Variants in CDH12 observed in about 807,000 individuals in gnomAD.
CDH12 encodes cadherin-12.
A neutral mutation model predicts 74.1 loss-of-function variants in CDH12; 41 were observed. That is an observed-to-expected ratio of 0.55 (90% CI 0.43 to 0.72). The LOEUF (loss-of-function observed/expected upper bound fraction) is 0.72. CDH12 is among the 30% of genes least tolerant of loss of function. CDH12 has a pLI of 0.00. For synonymous variants in CDH12, 399 were observed against 355.0 expected, an observed-to-expected ratio of 1.12 and a Z score of -1.39; for missense variants, 945 against 977.2, an observed-to-expected ratio of 0.97 and a Z score of 0.44.
At position 22,764,104 on chromosome 5, in the gene CDH12, A is replaced by G. The variant is rs1270906059; in HGVS notation, c.-523+88954T>C. 2.0e-5 allele frequency among the ~76,000 whole-genome samples: 3 copies of G among 152,016 alleles called. No individual in the cohort carries two copies. The East Asian group carries it at 5.8e-4, about 29-fold the overall frequency. Reference sequence around the variant, plus strand: ...TTACATTTGTTTTTAAAATAATTTTATCTAATTAGAAGACTGAAAGAGTAA... The same window carrying G: ...TTACATTTGTTTTTAAAATAATTTTGTCTAATTAGAAGACTGAAAGAGTAA... On this transcript the variant is annotated intron_variant, in intron 1 of 14. Transcript: ENST00000382254.
chr5:22,155,084 T>A (rs1164546094), intron 4 of CDH12, among the ~76,000 whole-genome samples: 1 of 152,156 alleles, frequency 6.6e-6, no homozygotes, highest in East Asian at 1.9e-4. Context: ...GTTTCTGTAA[T>A]AAAGAACTGC....
intron 4 of CDH12, among the ~76,000 whole-genome samples, chr5:22,127,403 G>A (rs1745936018): frequency 6.6e-6 from 1 of 151,746 alleles, no homozygotes; most frequent in African/African-American, 2.4e-5. Flanking sequence ...CTTGAACCTG[G>A]GAGGCGGAGG....
intron 2 of CDH12, among the ~76,000 whole-genome samples, chr5:22,463,485 C>A (rs1215717033): frequency 6.6e-6 from 1 of 151,968 alleles, no homozygotes; most frequent in African/African-American, 2.4e-5. Flanking sequence ...ACACTGTATA[C>A]AGAAAACACA....
chr5:22,247,529 A>C (rs1385294864), intron 3 of CDH12, among the ~76,000 whole-genome samples: 1 of 151,886 alleles, frequency 6.6e-6, no homozygotes, highest in Non-Finnish European at 1.5e-5. Context: ...ACAAAAATTA[A>C]CTGGGCATGG....
At chr5:22,847,094 T>C (rs1737341002) in intron 1 of CDH12, among the ~76,000 whole-genome samples, 1 of 152,204 alleles carries the variant, frequency 6.6e-6, no homozygotes. Context: ...GGATCTTATA[T>C]TGGTGATCTT....
intron 4 of CDH12, among the ~76,000 whole-genome samples, chr5:22,168,515 A>C (rs1470962471): frequency 1.3e-5 from 2 of 152,092 alleles, no homozygotes; most frequent in African/African-American, 4.8e-5. Flanking sequence ...TTTACTATGC[A>C]TTAGAGTCTA....
intron 5 of CDH12, among the ~76,000 whole-genome samples, chr5:22,072,936 T>A (rs1742056939): frequency 6.6e-6 from 1 of 151,958 alleles, no homozygotes; most frequent in South Asian, 2.1e-4. Context: ...CACTGGGTGT[T>A]GAGATATGTG....
intron 4 of CDH12, among the ~76,000 whole-genome samples, chr5:22,122,484 A>C (rs965553213): frequency 6.6e-6 from 1 of 151,994 alleles, no homozygotes; most frequent in Non-Finnish European, 1.5e-5. Flanking sequence ...CGAAGGACTC[A>C]TCTCCTATTT....
rs562164982 is a variant in CDH12 at position 22,706,799 on chromosome 5, A to C, written c.-523+146259T>G. On this transcript the variant is annotated intron_variant, in intron 1 of 14. Coordinates refer to ENST00000382254, the MANE Select transcript of CDH12 (RefSeq NM_004061.5). ...GGGATTTTAAATGCTGTTCATAGAT[A>C]TCTAAGCCAGTAAAACCATGGTTTA... Among the ~76,000 whole-genome samples, 9 of 152,294 alleles carry C rather than the reference A, an allele frequency of 5.9e-5. No individual in the cohort carries two copies. The South Asian group carries it at 1.4e-3, about 25-fold the overall frequency.
intron 4 of CDH12, among the ~76,000 whole-genome samples, chr5:22,112,569 T>G (rs142635079): frequency 1.3e-5 from 2 of 152,278 alleles, no homozygotes; most frequent in Admixed American, 6.5e-5. Context: ...TAATATAGAT[T>G]AATTTCATAG....
At chr5:22,190,970 A>G (rs1053867546) in intron 4 of CDH12, among the ~76,000 whole-genome samples, 2 of 152,218 alleles carry the variant, frequency 1.3e-5, no homozygotes, top group African/African-American at 2.4e-5. Flanking sequence ...ATGTGGGAGT[A>G]TCGTGATATC....
At chr5:22,056,909 A>AT (rs202230560) in intron 5 of CDH12, among the ~76,000 whole-genome samples, 3,330 of 151,286 alleles carry the variant, frequency 0.022, 84 homozygotes, top group Non-Finnish European at 0.028. Flanking sequence ...ACCTGCTGTT[A>AT]TTTTTTTTTA....
At chr5:22,060,666 G>A (rs761310107) in intron 5 of CDH12, among the ~76,000 whole-genome samples, 3 of 152,076 alleles carry the variant, frequency 2.0e-5, no homozygotes, top group Non-Finnish European at 2.9e-5. Context: ...ATTCACCACA[G>A]GTCCCTCAGG....
intron 1 of CDH12, among the ~76,000 whole-genome samples, chr5:22,796,810 G>A (rs1249998540): frequency 3.0e-5 from 3 of 101,590 alleles, no homozygotes; most frequent in Non-Finnish European, 1.9e-5. Context: ...GTGAGCCACC[G>A]CGCCCGGCCC....
At chr5:22,561,990 C>T (rs1048507038) in intron 1 of CDH12, among the ~76,000 whole-genome samples, 2 of 152,090 alleles carry the variant, frequency 1.3e-5, no homozygotes, top group East Asian at 1.9e-4. Flanking sequence ...TAAGAATATA[C>T]AGTGTATAAA....
intron 4 of CDH12, chr5:22,144,220 T>C (rs943885375): frequency 6.6e-6 from 1 of 152,186 alleles, no homozygotes; most frequent in Non-Finnish European, 1.5e-5. Context: ...ATTTATCCAC[T>C]AACTGTTTAG....
At chr5:22,405,211 A>C (rs529182094) in intron 3 of CDH12, 46 bp downstream of exon 3, 1 of 530,314 alleles carries the variant, frequency 1.9e-6, no homozygotes, top group Admixed American at 6.7e-5. Flanking sequence ...CTGTCTTTAA[A>C]AAAAATAAAA....
At chr5:22,526,072 T>C (rs953083067) in intron 1 of CDH12, among the ~76,000 whole-genome samples, 2 of 152,104 alleles carry the variant, frequency 1.3e-5, no homozygotes, top group Non-Finnish European at 2.9e-5. Flanking sequence ...GCCGAAAGAG[T>C]CTTTACTCAT....
intron 11 of CDH12, among the ~76,000 whole-genome samples, chr5:21,777,280 C>A (rs889130624): frequency 2.0e-5 from 3 of 151,950 alleles, no homozygotes; most frequent in Non-Finnish European, 4.4e-5. Flanking sequence ...CTAACTATAC[C>A]ACTGTTATGT....
Sources: allele counts gnomAD v4.1 joint callset (sites outside exome capture counted in the v4.1 genomes callset), GRCh38; gene constraint gnomAD v4.1.1; transcripts MANE v1.5; gene names NCBI Gene and HGNC (gene_info 2026-07-23, HGNC 2026-07-21).